The following PLEKHA6 variants were observed in gnomAD, a reference collection of about 807,000 sequenced individuals.
PLEKHA6 encodes the protein pleckstrin homology domain containing A6.
Under a neutral mutation model 116.7 loss-of-function variants are expected in PLEKHA6, and 60 were observed. The observed-to-expected ratio is 0.51, with a 90% confidence interval of 0.42 to 0.64. The LOEUF (loss-of-function observed/expected upper bound fraction) is 0.64. PLEKHA6 is among the 30% of genes least tolerant of loss of function. The pLI is 0.00. For synonymous variants in PLEKHA6, 489 were observed against 556.1 expected, an observed-to-expected ratio of 0.88 and a Z score of 1.70; for missense variants, 1,338 against 1,422.7, an observed-to-expected ratio of 0.94 and a Z score of 0.96.
At chr1:204,309,719 T>G (rs1671588868) in intron 1 of PLEKHA6, 1 of 909,564 alleles carries the variant, frequency 1.1e-6, no homozygotes, top group African/African-American at 1.8e-5. Flanking sequence ...ATGAAGATAG[T>G]ATCAATTTAG....
chr1:204,260,395 A>G (rs896060211), intron 7 of PLEKHA6, among the ~76,000 whole-genome samples: 1 of 152,184 alleles, frequency 6.6e-6, no homozygotes, highest in South Asian at 2.1e-4. Flanking sequence ...CTGACTTTCC[A>G]TGAGAATACA....
intron 1 of PLEKHA6, among the ~76,000 whole-genome samples, chr1:204,326,322 C>T (rs972299758): frequency 1.3e-5 from 2 of 152,216 alleles, no homozygotes; most frequent in South Asian, 2.1e-4. Flanking sequence ...TGCCAACACA[C>T]GGTCACGTCT....
Position 204,296,426 on chromosome 1 carries a change from C to T in PLEKHA6, c.-94-21617G>A, listed in dbSNP as rs150227351. 7.1e-3 allele frequency among the ~76,000 whole-genome samples: 1,085 copies of T among 152,212 alleles called. 6 individuals carry two copies. The highest frequency in any genetic ancestry group is 0.037 in the Middle Eastern group (11 of 294). On this transcript the variant is annotated intron_variant, in intron 1 of 22. Coordinates refer to ENST00000272203, the MANE Select transcript of PLEKHA6 (RefSeq NM_014935.5). The stretch of plus-strand genomic sequence containing the variant: ...TGATGGGCATTTAGATTTTGCATGC[C>T]TTCCCCTACCCTCCTCCAATGCCCT...
intron 1 of PLEKHA6, among the ~76,000 whole-genome samples, chr1:204,355,995 AC>A (rs1374806023): frequency 0.024 from 1,850 of 76,234 alleles, 36 homozygotes; most frequent in South Asian, 0.074. Flanking sequence ...ACACACACAC[AC>A]ACACAAAAAA....
intron 1 of PLEKHA6, among the ~76,000 whole-genome samples, chr1:204,281,366 A>G (rs1668583523): frequency 6.6e-6 from 1 of 152,034 alleles, no homozygotes; most frequent in African/African-American, 2.4e-5. Flanking sequence ...TCTACTAAAA[A>G]TACAAAAAAT....
chr1:204,328,399 C>CTT (rs796534954), intron 1 of PLEKHA6, among the ~76,000 whole-genome samples: 2 of 125,880 alleles, frequency 1.6e-5, no homozygotes, highest in Non-Finnish European at 3.4e-5. Flanking sequence ...AATTTTCTTT[C>CTT]TTTTTTTTTT....
chr1:204,351,695 G>A (rs1369221431), intron 1 of PLEKHA6, among the ~76,000 whole-genome samples: 2 of 152,156 alleles, frequency 1.3e-5, no homozygotes, highest in Non-Finnish European at 2.9e-5. Flanking sequence ...CTGAGACTTA[G>A]AGAAGGTGAG....
intron 1 of PLEKHA6, among the ~76,000 whole-genome samples, chr1:204,353,947 G>A (rs1673350791): frequency 6.6e-6 from 1 of 152,182 alleles, no homozygotes. Context: ...GGATAGCCTG[G>A]ATCCAGTCCC....
chr1:204,363,446 T>C (rs1572233273), upstream of PLEKHA6, among the ~76,000 whole-genome samples: 1 of 152,102 alleles, frequency 6.6e-6, no homozygotes, highest in African/African-American at 2.4e-5. Context: ...GTTCCCTCGG[T>C]GGAGGAGCCG....
intron 1 of PLEKHA6, among the ~76,000 whole-genome samples, chr1:204,337,993 T>C (rs1672712736): frequency 6.6e-6 from 1 of 152,250 alleles, no homozygotes; most frequent in African/African-American, 2.4e-5. Context: ...GCTTACAGTC[T>C]TATTTCTTTT....
At chr1:204,329,847 G>A (rs1019873810) in intron 1 of PLEKHA6, among the ~76,000 whole-genome samples, 3 of 150,244 alleles carry the variant, frequency 2.0e-5, no homozygotes, top group African/African-American at 2.5e-5. Context: ...TTGAGGCCAG[G>A]AGTTTGAGAC....
At chr1:204,266,938 A>T (rs1312442603) in intron 5 of PLEKHA6, among the ~76,000 whole-genome samples, 1 of 152,142 alleles carries the variant, frequency 6.6e-6, no homozygotes, top group East Asian at 1.9e-4. Flanking sequence ...TCAGCAGAGA[A>T]GGTGAAGCCA....
upstream of PLEKHA6, among the ~76,000 whole-genome samples, chr1:204,362,574 C>A (rs370258296): frequency 2.6e-5 from 4 of 152,196 alleles, no homozygotes; most frequent in South Asian, 8.3e-4. Flanking sequence ...GCAGAACATG[C>A]CAACTAGGGG....
rs1662546467 is a variant in PLEKHA6 at position 204,239,777 on chromosome 1, A to G, written c.2409+1598T>C. ...TGCAAAGTTCTTCAGAAGGCCATGT[A>G]TGTTCTGAATCAGCATCCAATATAT... On this transcript the variant is annotated intron_variant, in intron 17 of 22. Transcript: ENST00000272203. Among the ~76,000 whole-genome samples, 3 of 152,200 alleles carry G rather than the reference A, an allele frequency of 2.0e-5. No individual in the cohort carries two copies. In the South Asian group the frequency reaches 6.2e-4, roughly 31 times the overall value.
chr1:204,374,237 G>A (rs1047634756), intron 1 of PLEKHA6, among the ~76,000 whole-genome samples: 3 of 152,142 alleles, frequency 2.0e-5, no homozygotes, highest in Non-Finnish European at 4.4e-5. Context: ...GGGGAACTGG[G>A]CCTCGAAGAA....
chr1:204,349,719 G>A (rs771816650), intron 1 of PLEKHA6, among the ~76,000 whole-genome samples: 88 of 152,126 alleles, frequency 5.8e-4, no homozygotes, highest in Admixed American at 8.5e-4. Flanking sequence ...TCTCAGTCTC[G>A]TTGACTTCAT....
intron 1 of PLEKHA6, 121 bp downstream of exon 1, chr1:204,359,573 G>A: frequency 1.0e-6 from 1 of 981,582 alleles, no homozygotes; most frequent in African/African-American, 1.7e-5. Context: ...AGATGGGGAA[G>A]CCAGTGCTCC....
At position 204,244,984 on chromosome 1, in the gene PLEKHA6, G is replaced by A. The variant is rs1339022880; in HGVS notation, c.2052C>T (p.Ala684=). The change falls in exon 15 of 23, where the codon GCC becomes GCT. Residue 684 remains alanine (A), a synonymous_variant. Coordinates refer to ENST00000272203, the MANE Select transcript of PLEKHA6 (RefSeq NM_014935.5). ...AKHRGGLGPS[A]TYSSNSPASP... ...TGGCCGGGCTGTTGGAGCTGTAGGTGGCTGAGGGGCCAAGTCCTCCTTGGG... is the reference window on the plus strand; with the variant it reads ...TGGCCGGGCTGTTGGAGCTGTAGGTAGCTGAGGGGCCAAGTCCTCCTTGGG... The A allele has an allele frequency of 6.9e-7, 1 of 1,444,776 alleles. No individual in the cohort carries two copies. The highest frequency in any genetic ancestry group is 2.8e-5 in the East Asian group (1 of 35,770). 89.5% of individuals were successfully genotyped at this position (1,444,776 alleles called of 1,614,324 possible).
rs188616063 is a variant in PLEKHA6 at position 204,359,762 on chromosome 1, C to A, written c.-163G>T. 25 of 915,256 alleles carry A rather than the reference C, an allele frequency of 2.7e-5. No individual in the cohort carries two copies. The highest frequency in any genetic ancestry group is 3.1e-5 in the Non-Finnish European group (24 of 765,660). The allele number at this position is 915,256 out of a possible 1,614,324, so 56.7% of individuals were successfully genotyped here. ...GCGAGCCCCAAGGCACCCCTCCCCCCAGCTCAGGCCAGCTGGGGTCCTCCT... is the reference window on the plus strand; with the variant it reads ...GCGAGCCCCAAGGCACCCCTCCCCCAAGCTCAGGCCAGCTGGGGTCCTCCT... On this transcript the variant is annotated 5_prime_UTR_variant, in exon 1 of 23. Transcript: ENST00000272203.
Sources: gnomAD v4.1 joint callset for allele counts (sites outside exome capture counted in the v4.1 genomes callset) on GRCh38, gnomAD v4.1.1 for gene constraint, MANE v1.5 for transcripts, NCBI Gene and HGNC (gene_info 2026-07-23, HGNC 2026-07-21) for gene names.